The following KCND3 variants were observed in gnomAD, a reference collection of about 807,000 sequenced individuals.
KCND3 encodes potassium voltage-gated channel subfamily D member 3.
In KCND3, 9 loss-of-function variants were observed where a neutral mutation model predicts 51.1. The observed-to-expected ratio is 0.18, with a 90% CI of 0.11 to 0.31. The LOEUF is 0.31. Among genes scored for constraint, KCND3 ranks in the 10% least tolerant of loss-of-function variants. The pLI is 1.00. For synonymous variants in KCND3, 349 were observed against 368.0 expected (o/e 0.95, Z 0.59); for missense variants, 526 against 903.8 (o/e 0.58, Z 5.36).
At chr1:111,980,068 C>T (rs1329310642) in intron 2 of KCND3, among the ~76,000 whole-genome samples, 2 of 152,188 alleles carry the variant, frequency 1.3e-5, no homozygotes, top group Admixed American at 6.5e-5. Context: ...CTCTTGACAG[C>T]ACAAGCTCTC....
chr1:111,826,188 C>T lies in KCND3; in HGVS notation c.1107-39082G>A, dbSNP rs115957847. On this transcript the variant is annotated intron_variant, in intron 2 of 7. Coordinates refer to ENST00000302127, the MANE Select transcript of KCND3 (RefSeq NM_001378969.1). The stretch of plus-strand genomic sequence containing the variant: ...TTAGGGGTTTCATTACTGATTTGCA[C>T]GAGCTCTTTATATATTAAAGATATT... Among the ~76,000 whole-genome samples, 527 of 152,222 alleles carry T rather than the reference C, an allele frequency of 3.5e-3. 3 individuals are homozygous for T. The highest frequency in any genetic ancestry group is 0.012 in the African/African-American group (497 of 41,530).
At position 111,932,719 on chromosome 1, in the gene KCND3, G is replaced by A. The variant is rs906801396; in HGVS notation, c.1106+48902C>T. 3.9e-5 allele frequency among the ~76,000 whole-genome samples: 6 copies of A among 152,192 alleles called. No individual in the cohort carries two copies. In the South Asian group the frequency reaches 6.2e-4, roughly 16 times the overall value. On this transcript the variant is annotated intron_variant, in intron 2 of 7. Coordinates refer to ENST00000302127, the MANE Select transcript of KCND3 (RefSeq NM_001378969.1). The stretch of plus-strand genomic sequence containing the variant: ...TGGTTTCTTGTTTTGCAACAACTCC[G>A]TGCTACTGATTCTGCTCATCTACCC...
chr1:111,782,096 A>C (rs1338135336), intron 3 of KCND3, among the ~76,000 whole-genome samples: 5 of 152,186 alleles, frequency 3.3e-5, no homozygotes, highest in Non-Finnish European at 7.4e-5. Context: ...TGACTTCAGC[A>C]TGGACCCTAA....
chr1:111,794,934 C>A (rs914201056), intron 2 of KCND3, among the ~76,000 whole-genome samples: 2 of 152,162 alleles, frequency 1.3e-5, no homozygotes, highest in Middle Eastern at 3.2e-3. Context: ...AGACCAGGTC[C>A]CTTTGATTCC....
At chr1:111,906,216 T>C (rs1670643652) in intron 2 of KCND3, among the ~76,000 whole-genome samples, 2 of 152,142 alleles carry the variant, frequency 1.3e-5, no homozygotes, top group Admixed American at 6.5e-5. Context: ...GATAGACACA[T>C]AGAGCCTGAT....
chr1:111,844,158 C>T lies in KCND3; in HGVS notation c.1107-57052G>A, dbSNP rs138700192. 3.6e-3 allele frequency among the ~76,000 whole-genome samples: 549 copies of T among 152,214 alleles called. 3 individuals are homozygous for T. Among genetic ancestry groups the T allele is most frequent in the African/African-American group, 0.012 (516 of 41,532 alleles). ...CACTCAACCACTCAACATTTTAAAA[C>T]GACCTGTGACACGTGGAATGCCAGT... On this transcript the variant is annotated intron_variant, in intron 2 of 7. Transcript: ENST00000302127.
At chr1:111,822,980 C>T (rs1666417398) in intron 2 of KCND3, among the ~76,000 whole-genome samples, 1 of 152,192 alleles carries the variant, frequency 6.6e-6, no homozygotes, top group Admixed American at 6.5e-5. Flanking sequence ...AGACACAGCC[C>T]CTGCCCAAGG....
chr1:111,802,091 G>C (rs145320438), intron 2 of KCND3, among the ~76,000 whole-genome samples: 31 of 152,350 alleles, frequency 2.0e-4, no homozygotes, highest in African/African-American at 6.5e-4. Context: ...TACCTCACAG[G>C]GTTGTTATAA....
intron 2 of KCND3, among the ~76,000 whole-genome samples, chr1:111,814,222 C>T (rs1665981445): frequency 6.9e-6 from 1 of 144,710 alleles, no homozygotes; most frequent in African/African-American, 2.6e-5. Context: ...AGGTGAAACA[C>T]TGATCGTGGT....
chr1:111,891,303 C>T (rs984284945), intron 2 of KCND3, among the ~76,000 whole-genome samples: 13 of 152,020 alleles, frequency 8.6e-5, no homozygotes, highest in East Asian at 1.9e-4. Flanking sequence ...GGTGGTTTTG[C>T]TGCAAAGAGA....
intron 2 of KCND3, among the ~76,000 whole-genome samples, chr1:111,975,941 G>T (rs1674602322): frequency 6.6e-6 from 1 of 152,120 alleles, no homozygotes; most frequent in Non-Finnish European, 1.5e-5. Context: ...GGCCCTTCTT[G>T]ACATCCTAAC....
chr1:111,897,497 G>A (rs905880140), intron 2 of KCND3, among the ~76,000 whole-genome samples: 5 of 152,240 alleles, frequency 3.3e-5, no homozygotes, highest in East Asian at 1.9e-4. Flanking sequence ...TCATCTGTGC[G>A]TGCTGGACAG....
intron 2 of KCND3, among the ~76,000 whole-genome samples, chr1:111,869,666 T>A (rs774294532): frequency 6.6e-6 from 1 of 152,256 alleles, no homozygotes. Flanking sequence ...GTTCCATGTG[T>A]ATCACCTCAT....
intron 2 of KCND3, among the ~76,000 whole-genome samples, chr1:111,877,243 G>A (rs1009261170): frequency 1.3e-5 from 2 of 152,246 alleles, no homozygotes; most frequent in Admixed American, 6.5e-5. Context: ...AGGGGCTTGC[G>A]AGTTGTCCTT....
intron 2 of KCND3, among the ~76,000 whole-genome samples, chr1:111,950,646 G>C (rs1478153373): frequency 6.6e-6 from 1 of 152,238 alleles, no homozygotes; most frequent in East Asian, 1.9e-4. Context: ...TCTTAAGAGA[G>C]AATGGGAGGG....
intron 2 of KCND3, among the ~76,000 whole-genome samples, chr1:111,820,480 G>C (rs796501994): frequency 6.6e-6 from 1 of 152,148 alleles, no homozygotes; most frequent in South Asian, 2.1e-4. Flanking sequence ...CTGTTGCCTT[G>C]AATATATTAT....
rs112078725 is a variant in KCND3, at chr1:111,802,204, C to T, written c.1107-15098G>A. Among the ~76,000 whole-genome samples, 1,281 of 152,360 alleles carry T rather than the reference C, an allele frequency of 8.4e-3. 21 individuals are homozygous for T. Among genetic ancestry groups the T allele is most frequent in the African/African-American group, 0.028 (1,175 of 41,582 alleles). Reference sequence around the variant, plus strand: ...GCCATGGTTGGGCTGCTCACATCATCGGCTTTCCTGTAACTTGCACCTGTG... The same window carrying T: ...GCCATGGTTGGGCTGCTCACATCATTGGCTTTCCTGTAACTTGCACCTGTG... On this transcript the variant is annotated intron_variant, in intron 2 of 7. Transcript: ENST00000302127.
intron 2 of KCND3, among the ~76,000 whole-genome samples, chr1:111,879,057 G>C (rs938808182): frequency 1.3e-5 from 2 of 152,138 alleles, no homozygotes; most frequent in Non-Finnish European, 2.9e-5. Flanking sequence ...CTTGCCTTCG[G>C]ACTCTAACAG....
intron 2 of KCND3, among the ~76,000 whole-genome samples, chr1:111,864,172 G>A (rs1668454844): frequency 6.6e-6 from 1 of 152,080 alleles, no homozygotes; most frequent in Non-Finnish European, 1.5e-5. Context: ...AGGCAGGATG[G>A]GGAAGAAGAG....
Sources: gnomAD v4.1 joint callset for allele counts (sites outside exome capture counted in the v4.1 genomes callset) on GRCh38, gnomAD v4.1.1 for gene constraint, MANE v1.5 for transcripts, NCBI Gene and HGNC (gene_info 2026-07-23, HGNC 2026-07-21) for gene names.